KATNIP: variants seen among roughly 807,000 people sequenced by gnomAD.
The protein encoded by KATNIP is katanin interacting protein.
In KATNIP, 126 loss-of-function variants were observed where a neutral mutation model predicts 174.0. The observed-to-expected ratio is 0.72, with a 90% CI of 0.63 to 0.84. The LOEUF (loss-of-function observed/expected upper bound fraction) is 0.84, where lower values mean the gene tolerates loss of function less well. Among genes scored for constraint, KATNIP ranks in the 40% least tolerant of loss-of-function variants. KATNIP has a pLI of 0.00. For synonymous variants in KATNIP, 810 were observed against 835.7 expected (o/e 0.97, Z 0.53); for missense variants, 1,958 against 2,109.7 (o/e 0.93, Z 1.41).
At position 27,698,527 on chromosome 16, in the gene KATNIP, G is replaced by A. The variant is rs572573027; in HGVS notation, c.1113+27G>A. ...TGCGCTCCGGGCTGGGAGAGGAACC[G>A]GGGGATGCTCCCTGGACTGGGCAGT... On this transcript the variant is annotated intron_variant, in intron 9 of 27. Transcript: ENST00000261588. The A allele has an allele frequency of 2.2e-4, 356 of 1,583,996 alleles. 2 individuals carry two copies. Among genetic ancestry groups the A allele is most frequent in the Admixed American group, 2.3e-4 (13 of 57,700 alleles).
At chr16:27,571,129 T>C (rs940511947) in intron 1 of KATNIP, among the ~76,000 whole-genome samples, 1 of 152,134 alleles carries the variant, frequency 6.6e-6, no homozygotes, top group African/African-American at 2.4e-5. Context: ...GCCTCCGAGG[T>C]TCAGGTGAAT....
intron 2 of KATNIP, among the ~76,000 whole-genome samples, chr16:27,602,751 T>A (rs1003428738): frequency 2.6e-5 from 4 of 152,104 alleles, no homozygotes; most frequent in African/African-American, 9.7e-5. Flanking sequence ...CAGGCTGGAG[T>A]GCAGTGGCAC....
At chr16:27,695,140 C>T (rs1245133697) in intron 8 of KATNIP, among the ~76,000 whole-genome samples, 1 of 152,246 alleles carries the variant, frequency 6.6e-6, no homozygotes, top group Non-Finnish European at 1.5e-5. Context: ...TGTGTCCCCT[C>T]CTCCACCGCT....
chr16:27,588,950 G>A (rs2075085048), intron 2 of KATNIP, among the ~76,000 whole-genome samples: 1 of 140,862 alleles, frequency 7.1e-6, no homozygotes, highest in Non-Finnish European at 1.5e-5. Context: ...GCAGTGGTGT[G>A]ATCTCACCTC....
At chr16:27,752,664 A>C (rs958797304) in intron 17 of KATNIP, among the ~76,000 whole-genome samples, 2 of 151,784 alleles carry the variant, frequency 1.3e-5, no homozygotes, top group South Asian at 4.2e-4. Context: ...CAATCCTACC[A>C]CCTCAGCCTC....
chr16:27,608,728 T>C (rs896964115), intron 2 of KATNIP, among the ~76,000 whole-genome samples: 2 of 152,208 alleles, frequency 1.3e-5, no homozygotes, highest in Non-Finnish European at 2.9e-5. Flanking sequence ...GATAAAATTC[T>C]ATGCCTTCTC....
chr16:27,735,709 T>C (rs1406240507), intron 14 of KATNIP, among the ~76,000 whole-genome samples: 1 of 152,208 alleles, frequency 6.6e-6, no homozygotes, highest in Admixed American at 6.5e-5. Context: ...CAGTTCTCCT[T>C]CTAAATTGCT....
chr16:27,571,458 A>C (rs1277874951), intron 1 of KATNIP, among the ~76,000 whole-genome samples: 1 of 152,160 alleles, frequency 6.6e-6, no homozygotes, highest in Non-Finnish European at 1.5e-5. Context: ...GAAAAAAAAA[A>C]AAAACTATGG....
intron 2 of KATNIP, among the ~76,000 whole-genome samples, chr16:27,590,609 C>T (rs1311814638): frequency 6.6e-6 from 1 of 152,196 alleles, no homozygotes; most frequent in Non-Finnish European, 1.5e-5. Flanking sequence ...TCCTGCTTTT[C>T]TGTCCCAAAG....
intron 2 of KATNIP, among the ~76,000 whole-genome samples, chr16:27,590,863 T>C (rs1043394421): frequency 2.0e-5 from 3 of 152,230 alleles, no homozygotes; most frequent in African/African-American, 7.2e-5. Context: ...CTCAGGGATT[T>C]CTCAACATTT....
intron 14 of KATNIP, among the ~76,000 whole-genome samples, chr16:27,731,714 G>A (rs2080694115): frequency 6.6e-6 from 1 of 152,026 alleles, no homozygotes; most frequent in Non-Finnish European, 1.5e-5. Context: ...CACCTCCTGG[G>A]TTCAAGCGAT....
chr16:27,756,613 G>C (rs535450014), intron 18 of KATNIP, among the ~76,000 whole-genome samples: 1 of 152,320 alleles, frequency 6.6e-6, no homozygotes, highest in African/African-American at 2.4e-5. Flanking sequence ...GTGTGCAAGA[G>C]TCAGTGTCCC....
intron 6 of KATNIP, among the ~76,000 whole-genome samples, chr16:27,661,536 C>T (rs868773101): frequency 3.3e-5 from 5 of 151,844 alleles, no homozygotes; most frequent in Admixed American, 6.6e-5. Context: ...GGACTACAGG[C>T]GTACACCACC....
At chr16:27,715,221 A>G (rs1025460764) in intron 13 of KATNIP, among the ~76,000 whole-genome samples, 9 of 152,234 alleles carry the variant, frequency 5.9e-5, no homozygotes, top group African/African-American at 1.9e-4. Context: ...TGGCCTTGGG[A>G]CAAATGCGTT....
chr16:27,585,399 G>A (rs142273956), intron 2 of KATNIP, among the ~76,000 whole-genome samples: 338 of 152,298 alleles, frequency 2.2e-3, no homozygotes, highest in Non-Finnish European at 4.0e-3. Context: ...GCTACCATAC[G>A]ATCCAGCAAT....
chr16:27,560,283 GAAAAAAAAAA>G (rs765910684), intron 1 of KATNIP, among the ~76,000 whole-genome samples: 2 of 44,984 alleles, frequency 4.4e-5, no homozygotes, highest in African/African-American at 1.4e-4. Flanking sequence ...CTCTGTCTCA[GAAAAAAAAAA>G]AAAAAAAAAA....
Position 27,628,824 on chromosome 16 carries a change from A to G in KATNIP, c.304A>G (p.Thr102Ala), listed in dbSNP as rs377735862. 57 of 1,614,052 alleles carry G rather than the reference A, an allele frequency of 3.5e-5. No individual in the cohort carries two copies. In the African/African-American group the frequency reaches 6.4e-4, roughly 18 times the overall value. Residue 102 changes from threonine (T) to alanine (A), a missense_variant, in exon 4 of 28, where the codon ACA becomes GCA. By Grantham distance (58) the Thr-to-Ala change is moderately conservative (BLOSUM62 0). This residue lies in a region of KATNIP where 1,557 missense variants were observed against 1,617.8 expected (regional missense o/e 0.96). Transcript: ENST00000261588. Reference sequence around the variant, plus strand: ...CAGAAGTGCCTCCCACACGGAGGGGACACACGGTGAGCACAGGCCCTCCAG... The same window carrying G: ...CAGAAGTGCCTCCCACACGGAGGGGGCACACGGTGAGCACAGGCCCTCCAG... ...FSRSASHTEG[T>A]HDYGRRTLFR...
chr16:27,664,462 C>T (rs188509698), intron 6 of KATNIP, among the ~76,000 whole-genome samples: 134 of 152,348 alleles, frequency 8.8e-4, no homozygotes, highest in African/African-American at 3.1e-3. Flanking sequence ...ATATTAGCAT[C>T]ACCTGGGCTG....
rs750681366 is a variant in KATNIP at position 27,637,285 on chromosome 16, C to T, written c.408+6123C>T. ...CACTCATACTTTACTTCTTTCATTC[C>T]GTGCTCATGTATTGAGCACATACTC... is the stretch of plus-strand genomic sequence containing the variant. On this transcript the variant is annotated intron_variant, in intron 5 of 27. Coordinates refer to ENST00000261588, the MANE Select transcript of KATNIP (RefSeq NM_015202.5). This position sits in a 1 kb window ranked among gnomAD's most constrained non-coding sequence, Gnocchi z 4.7. Among the ~76,000 whole-genome samples, 19 of 152,164 alleles carry T rather than the reference C, an allele frequency of 1.2e-4. No homozygotes were observed. The highest frequency in any genetic ancestry group is 1.8e-4 in the Non-Finnish European group (12 of 68,044).
Sources: gnomAD v4.1 joint callset for allele counts (sites outside exome capture counted in the v4.1 genomes callset) on GRCh38, gnomAD v4.1.1 for gene constraint, gnomAD v4.1.1 regional missense constraint, Gnocchi (gnomAD v3.1) non-coding constraint, MANE v1.5 for transcripts, NCBI Gene and HGNC (gene_info 2026-07-23, HGNC 2026-07-21) for gene names.